Variants in CHEK1 observed in about 807,000 individuals in gnomAD.
CHEK1 encodes the protein checkpoint kinase 1, also known as serine/threonine-protein kinase Chk1.
A neutral mutation model predicts 60.2 loss-of-function variants in CHEK1; 32 were observed. The observed-to-expected ratio is 0.53, with a 90% CI of 0.40 to 0.71. The LOEUF (loss-of-function observed/expected upper bound fraction) is 0.71, where lower values mean the gene tolerates loss of function less well. CHEK1 is among the 30% of genes least tolerant of loss of function. The pLI is 0.00. For missense variants in CHEK1, 399 were observed against 564.6 expected, an observed-to-expected ratio of 0.71 and a Z score of 2.97; for synonymous variants, 179 against 187.2, an observed-to-expected ratio of 0.96 and a Z score of 0.36.
intron 6 of CHEK1, 96 bp from the exon 7 acceptor site, chr11:125,635,333 T>G (rs1941027411): frequency 1.0e-5 from 8 of 775,074 alleles, no homozygotes; most frequent in Non-Finnish European, 2.0e-6. Flanking sequence ...ATTGAATTAA[T>G]TCAAAGGAAA....
At chr11:125,636,430 A>G (rs1220718526) in intron 7 of CHEK1, among the ~76,000 whole-genome samples, 1 of 152,152 alleles carries the variant, frequency 6.6e-6, no homozygotes, top group African/African-American at 2.4e-5. Flanking sequence ...TAACTTAATC[A>G]TGACACATAC....
intron 11 of CHEK1, among the ~76,000 whole-genome samples, chr11:125,644,883 C>T (rs992109067): frequency 6.6e-6 from 1 of 152,008 alleles, no homozygotes; most frequent in African/African-American, 2.4e-5. Context: ...TGGTGCATGG[C>T]TGTAATCCCA....
At chr11:125,635,645 T>A (rs1941043793) in intron 7 of CHEK1, 112 bp downstream of exon 7, 1 of 650,150 alleles carries the variant, frequency 1.5e-6, no homozygotes, top group East Asian at 3.0e-5. Context: ...ATAATTCATG[T>A]TCGTTGTAGA....
At chr11:125,657,461 ACTT>A (rs1941939463), downstream of CHEK1, among the ~76,000 whole-genome samples, 1 of 152,094 alleles carries the variant, frequency 6.6e-6, no homozygotes, top group Admixed American at 6.6e-5. Flanking sequence ...ATCACAACCC[ACTT>A]CTTTCCCCCA....
At chr11:125,661,114 A>C (rs535829779), downstream of CHEK1, among the ~76,000 whole-genome samples, 1 of 152,170 alleles carries the variant, frequency 6.6e-6, no homozygotes, top group African/African-American at 2.4e-5. Context: ...ACTTTTCTAA[A>C]TCATATAAAA....
At chr11:125,677,135 A>G (rs978637941), downstream of CHEK1, among the ~76,000 whole-genome samples, 12 of 152,222 alleles carry the variant, frequency 7.9e-5, no homozygotes, top group African/African-American at 2.9e-4. Context: ...GACATTGGAC[A>G]TATTACATTT....
intron 13 of CHEK1, chr11:125,672,316 G>A (rs1016603193): frequency 4.1e-5 from 12 of 294,838 alleles, no homozygotes; most frequent in African/African-American, 2.6e-4. Flanking sequence ...GGAAAAAAAG[G>A]TCTGTCTTGA....
chr11:125,657,006 A>T lies in CHEK1; in HGVS notation c.*1686A>T. The T allele has an allele frequency of 5.2e-6, 1 of 192,336 alleles. No individual in the cohort carries two copies. Among genetic ancestry groups the T allele is most frequent in the Non-Finnish European group, 1.1e-5 (1 of 92,080 alleles). The allele number at this position is 192,336 out of a possible 1,614,324, so 11.9% of individuals were successfully genotyped here. On this transcript the variant is annotated 3_prime_UTR_variant, in exon 13 of 13. Transcript: ENST00000438015. Reference sequence around the variant, plus strand: ...CTTTAATGCTTTAATGTGTAGGAAGAGTATAGTGTCCTGTTTTGCACAGAA... The same window carrying T: ...CTTTAATGCTTTAATGTGTAGGAAGTGTATAGTGTCCTGTTTTGCACAGAA...
At chr11:125,642,786 G>T (rs1480995704) in intron 8 of CHEK1, 1 of 152,196 alleles carries the variant, frequency 6.6e-6, no homozygotes, top group South Asian at 2.1e-4. Context: ...CTTTGGTAGG[G>T]ATAAGTTGAT....
chr11:125,644,681 G>C (rs1371308029), intron 11 of CHEK1, 38 bp downstream of exon 11: 1 of 1,593,872 alleles, frequency 6.3e-7, no homozygotes, highest in African/African-American at 1.4e-5. Context: ...TTTTCCTGAA[G>C]AAGAATTTAA....
chr11:125,648,704 A>T (rs569165643), intron 11 of CHEK1, among the ~76,000 whole-genome samples: 3 of 151,744 alleles, frequency 2.0e-5, no homozygotes, highest in African/African-American at 7.3e-5. Context: ...AGGACTTCCA[A>T]CATTATGTTG....
intron 13 of CHEK1, among the ~76,000 whole-genome samples, chr11:125,669,522 C>CTTTTTT (rs67333022): frequency 1.1e-4 from 13 of 114,680 alleles, no homozygotes; most frequent in Non-Finnish European, 1.8e-4. Context: ...TTCTTTTTTC[C>CTTTTTT]TTTTTTTTTT....
intron 11 of CHEK1, among the ~76,000 whole-genome samples, chr11:125,645,120 TTTTTTAA>T (rs1313903693): frequency 6.6e-6 from 1 of 152,190 alleles, no homozygotes; most frequent in Non-Finnish European, 1.5e-5. Flanking sequence ...TTTTGTTTTA[TTTTTTAA>T]TTTTTAATTT....
At chr11:125,676,427 C>T (rs776084112), downstream of CHEK1, 4 of 1,614,110 alleles carry the variant, frequency 2.5e-6, no homozygotes, top group Non-Finnish European at 3.4e-6. Flanking sequence ...TCCACGAAGA[C>T]ATTTTCCTTG....
rs755820645 is a variant in CHEK1 at position 125,637,450 on chromosome 11, T to G, written c.720T>G (p.Ala240=). The G allele has an allele frequency of 6.2e-7, 1 of 1,601,898 alleles. No individual in the cohort carries two copies. The change falls in exon 8 of 13, where the codon GCT becomes GCG. Residue 240 remains alanine, a splice_region_variant and synonymous_variant. Coordinates refer to ENST00000438015, the MANE Select transcript of CHEK1 (RefSeq NM_001114122.3). ...TGTTGTCGTAATGTTTGTTTTTAGC[T>G]CTGCTGCATAAAATCTTAGTTGAGA... is the stretch of plus-strand genomic sequence containing the variant. ...PWKKIDSAPL[A]LLHKILVENP... is the part of the protein sequence containing the mutation.
At chr11:125,638,674 GTCC>G (rs1184718029) in intron 8 of CHEK1, among the ~76,000 whole-genome samples, 1 of 152,092 alleles carries the variant, frequency 6.6e-6, no homozygotes, top group Admixed American at 6.6e-5. Flanking sequence ...TGGTACAGGT[GTCC>G]TCCTTATTCT....
At chr11:125,640,363 C>A (rs1422646089) in intron 8 of CHEK1, among the ~76,000 whole-genome samples, 8 of 151,862 alleles carry the variant, frequency 5.3e-5, no homozygotes, top group East Asian at 2.0e-4. Flanking sequence ...AACACGGTGT[C>A]ACCCCGTCTC....
intron 5 of CHEK1, among the ~76,000 whole-genome samples, chr11:125,629,693 A>T (rs1940787010): frequency 6.6e-6 from 1 of 152,008 alleles, no homozygotes; most frequent in East Asian, 1.9e-4. Context: ...AATCTGACCT[A>T]GGTGCAAGCC....
At chr11:125,640,645 C>T (rs1192836277) in intron 8 of CHEK1, among the ~76,000 whole-genome samples, 3 of 152,020 alleles carry the variant, frequency 2.0e-5, no homozygotes, top group Non-Finnish European at 4.4e-5. Flanking sequence ...TCTCCACTTA[C>T]TGAAACCTCT....
Sources: gnomAD v4.1 joint callset for allele counts (sites outside exome capture counted in the v4.1 genomes callset) on GRCh38, gnomAD v4.1.1 for gene constraint, MANE v1.5 for transcripts, NCBI Gene and HGNC (gene_info 2026-07-23, HGNC 2026-07-21) for gene names.